MYBL1: variants seen among roughly 807,000 people sequenced by gnomAD.
MYBL1 encodes the protein myb-related protein A.
In MYBL1, 17 loss-of-function variants were observed where a neutral mutation model predicts 96.3. The ratio of observed to expected loss-of-function variants is 0.18; its 90% CI spans 0.12 to 0.26. MYBL1 has a LOEUF of 0.26. Among genes scored for constraint, MYBL1 ranks in the 10% least tolerant of loss-of-function variants. MYBL1 has a pLI of 1.00. For synonymous variants in MYBL1, 282 were observed against 292.7 expected, an observed-to-expected ratio of 0.96 and a Z score of 0.37; for missense variants, 701 against 882.9, an observed-to-expected ratio of 0.79 and a Z score of 2.61.
At chr8:66,594,067 T>G (rs1011833253) in intron 6 of MYBL1, among the ~76,000 whole-genome samples, 1 of 151,928 alleles carries the variant, frequency 6.6e-6, no homozygotes, top group Non-Finnish European at 1.5e-5. Context: ...GCCCAGAAGG[T>G]TGAGGCTGCA....
Position 66,612,804 on chromosome 8 carries a change from A to G in MYBL1, c.20+15T>C. On this transcript the variant is annotated intron_variant, in intron 1 of 15. Transcript: ENST00000522677. Reference sequence around the variant, plus strand: ...GACGGCGCCGACAGGCCTGGGCGAAAGGGGTGCCACCCACCTGCGCGACCT... The same window carrying G: ...GACGGCGCCGACAGGCCTGGGCGAAGGGGGTGCCACCCACCTGCGCGACCT... 7.3e-7 allele frequency: 1 copy of G among 1,365,836 alleles called. No individual in the cohort carries two copies. The highest frequency in any genetic ancestry group is 9.5e-7 in the Non-Finnish European group (1 of 1,050,788). The allele number at this position is 1,365,836 out of a possible 1,614,324, so 84.6% of individuals were successfully genotyped here. A position where few individuals can be genotyped will look rare whatever the true frequency, so the allele number is the denominator to read the frequency against.
intron 4 of MYBL1, 87 bp downstream of exon 4, chr8:66,598,963 C>T (rs1809959617): frequency 5.2e-6 from 4 of 768,632 alleles, no homozygotes; most frequent in Non-Finnish European, 7.4e-6. Context: ...GTGACTTAAA[C>T]ATGTACTTCA....
intron 3 of MYBL1, among the ~76,000 whole-genome samples, chr8:66,599,795 T>C (rs1403265410): frequency 6.6e-6 from 1 of 150,694 alleles, no homozygotes; most frequent in East Asian, 1.9e-4. Flanking sequence ...AGCGAAACTC[T>C]CATCTCAAAA....
At chr8:66,585,872 CT>C (rs772564355) in intron 8 of MYBL1, among the ~76,000 whole-genome samples, 4 of 151,948 alleles carry the variant, frequency 2.6e-5, no homozygotes, top group Admixed American at 6.6e-5. Flanking sequence ...AACTAAAAAG[CT>C]TCTGCACAGC....
chr8:66,605,749 G>C (rs761015270), intron 1 of MYBL1, among the ~76,000 whole-genome samples: 27 of 152,288 alleles, frequency 1.8e-4, no homozygotes, highest in South Asian at 1.7e-3. Flanking sequence ...CCGGGAGGTA[G>C]AGGTTACAGT....
At chr8:66,598,524 G>A (rs1219557925) in intron 4 of MYBL1, among the ~76,000 whole-genome samples, 1 of 152,148 alleles carries the variant, frequency 6.6e-6, no homozygotes, top group African/African-American at 2.4e-5. Flanking sequence ...ACTAAAGAGT[G>A]CAGAAACACT....
intron 8 of MYBL1, among the ~76,000 whole-genome samples, chr8:66,589,864 G>C (rs183483557): frequency 6.6e-6 from 1 of 152,102 alleles, no homozygotes; most frequent in Non-Finnish European, 1.5e-5. Context: ...GGTTTTTGCA[G>C]TTTCAAAACA....
At chr8:66,592,699 T>A (rs1809697929) in intron 7 of MYBL1, among the ~76,000 whole-genome samples, 155 bp from the exon 8 acceptor site, 1 of 152,104 alleles carries the variant, frequency 6.6e-6, no homozygotes, top group Non-Finnish European at 1.5e-5. Flanking sequence ...TCACAATCCC[T>A]CTGGTATCTA....
chr8:66,562,987 G>A lies in MYBL1; in HGVS notation c.*1710C>T, dbSNP rs1429643210. 4.6e-5 allele frequency: 7 copies of A among 151,248 alleles called. No individual in the cohort carries two copies. The East Asian group carries it at 1.2e-3, about 25-fold the overall frequency. 9.4% of individuals were successfully genotyped at this position (151,248 alleles called of 1,614,324 possible). On this transcript the variant is annotated 3_prime_UTR_variant, in exon 16 of 16. Transcript: ENST00000522677. Reference sequence around the variant, plus strand: ...TTTAAATAGCTTAAAACCCTTTTAGGTCTACTGTTCAAGAGCTAAGCATTA... The same window carrying A: ...TTTAAATAGCTTAAAACCCTTTTAGATCTACTGTTCAAGAGCTAAGCATTA...
chr8:66,593,102 G>T lies in MYBL1; in HGVS notation c.762+18C>A. On this transcript the variant is annotated intron_variant, in intron 7 of 15. Coordinates refer to ENST00000522677, the MANE Select transcript of MYBL1 (RefSeq NM_001080416.4). ...ACTGAACACATTTCCTTTGGTTTTC[G>T]TTATAAATAAAAGTTACCTGAATAA... 6.7e-7 allele frequency: 1 copy of T among 1,503,748 alleles called. No individual in the cohort carries two copies. The highest frequency in any genetic ancestry group is 9.1e-7 in the Non-Finnish European group (1 of 1,104,790). The allele number at this position is 1,503,748 out of a possible 1,614,324, so 93.2% of individuals were successfully genotyped here.
chr8:66,597,216 T>TATATATAGTATATAG, intron 5 of MYBL1, 114 bp downstream of exon 5: 2 of 771,936 alleles, frequency 2.6e-6, no homozygotes, highest in South Asian at 5.2e-5. Flanking sequence ...ATAGTCTACA[T>TATATATAGTATATAG]TTTAATTACA....
intron 2 of MYBL1, 108 bp downstream of exon 2, chr8:66,602,310 C>A: frequency 1.6e-6 from 1 of 634,222 alleles, no homozygotes; most frequent in East Asian, 3.5e-5. Flanking sequence ...CTCGGCCTCC[C>A]AAAGGGCTGG....
intron 1 of MYBL1, among the ~76,000 whole-genome samples, chr8:66,610,038 T>C (rs913223795): frequency 1.3e-5 from 2 of 152,028 alleles, no homozygotes; most frequent in African/African-American, 4.8e-5. Context: ...TTCAGGTTAG[T>C]GTAGTCATAG....
intron 9 of MYBL1, among the ~76,000 whole-genome samples, chr8:66,579,117 T>G (rs1048027670): frequency 2.0e-5 from 3 of 151,810 alleles, no homozygotes; most frequent in African/African-American, 7.3e-5. Flanking sequence ...CATTAGGAGA[T>G]ATACCTAATG....
At chr8:66,572,380 T>A in intron 12 of MYBL1, 102 bp downstream of exon 12, 1 of 589,512 alleles carries the variant, frequency 1.7e-6, no homozygotes. Context: ...TCTGTTTCAG[T>A]AAATATCTTT....
At chr8:66,603,258 A>G (rs1188859534) in intron 1 of MYBL1, among the ~76,000 whole-genome samples, 1 of 152,184 alleles carries the variant, frequency 6.6e-6, no homozygotes, top group Non-Finnish European at 1.5e-5. Flanking sequence ...TGAAACTGAA[A>G]AAGAAAAACC....
chr8:66,602,527 CA>C lies in MYBL1; in HGVS notation c.21-5del, dbSNP rs550620295. On this transcript the variant is annotated splice_polypyrimidine_tract_variant and splice_region_variant and intron_variant, in intron 1 of 15. Coordinates refer to ENST00000522677, the MANE Select transcript of MYBL1 (RefSeq NM_001080416.4). Reference sequence around the variant, plus strand: ...AAGGTCATCATCCTCATCCTCACTACAAAAAAAACACAATTTGTGATATCAA... The same window carrying C: ...AAGGTCATCATCCTCATCCTCACTACAAAAAAACACAATTTGTGATATCAA... 6.4e-5 allele frequency: 99 copies of C among 1,556,762 alleles called. No individual in the cohort carries two copies. The highest frequency in any genetic ancestry group is 1.2e-4 in the South Asian group (10 of 84,244).
At chr8:66,566,565 C>T (rs939730189) in intron 14 of MYBL1, 119 bp downstream of exon 14, 30 of 628,778 alleles carry the variant, frequency 4.8e-5, no homozygotes, top group Non-Finnish European at 7.4e-5. Context: ...CAAAATGATA[C>T]TAAGATAAAA....
rs1268624505 is a variant in MYBL1 at position 66,564,665 on chromosome 8, G to T, written c.*32C>A. The T allele has an allele frequency of 1.3e-6, 2 of 1,533,714 alleles. No individual in the cohort carries two copies. Among genetic ancestry groups the T allele is most frequent in the East Asian group, 4.7e-5 (2 of 42,636 alleles). On this transcript the variant is annotated 3_prime_UTR_variant, in exon 16 of 16. Coordinates refer to ENST00000522677, the MANE Select transcript of MYBL1 (RefSeq NM_001080416.4). Reference sequence around the variant, plus strand: ...CTAATTTAGTAGAGACTGCAGTAAGGGAGTGGGGCATTTCATCAATTTTAA... The same window carrying T: ...CTAATTTAGTAGAGACTGCAGTAAGTGAGTGGGGCATTTCATCAATTTTAA...
Sources: gnomAD v4.1 joint callset for allele counts (sites outside exome capture counted in the v4.1 genomes callset) on GRCh38, gnomAD v4.1.1 for gene constraint, MANE v1.5 for transcripts, NCBI Gene and HGNC (gene_info 2026-07-23, HGNC 2026-07-21) for gene names.